Variants in TOM1L1 observed in about 807,000 individuals in gnomAD.
The protein encoded by TOM1L1 is target of myb1 like 1 membrane trafficking protein, also known as TOM1-like protein 1.
TOM1L1 carries 64 observed loss-of-function variants against 63.4 expected under a neutral mutation model. The ratio of observed to expected loss-of-function variants is 1.01; its 90% CI spans 0.83 to 1.24. The LOEUF (loss-of-function observed/expected upper bound fraction) is 1.24, where lower values mean the gene tolerates loss of function less well. Among genes scored for constraint, TOM1L1 ranks in the 50% most tolerant of loss-of-function variants. The pLI is 0.00. For synonymous variants in TOM1L1, 166 were observed against 194.4 expected, an observed-to-expected ratio of 0.85 and a Z score of 1.22; for missense variants, 536 against 567.0, an observed-to-expected ratio of 0.95 and a Z score of 0.55.
intron 8 of TOM1L1, among the ~76,000 whole-genome samples, chr17:54,934,019 G>T (rs1598036699): frequency 6.6e-6 from 1 of 152,200 alleles, no homozygotes; most frequent in Non-Finnish European, 1.5e-5. Context: ...CAATTTACGT[G>T]TGAGAAGGGG....
chr17:54,931,248 A>T (rs1157626651), intron 8 of TOM1L1, among the ~76,000 whole-genome samples: 1 of 152,122 alleles, frequency 6.6e-6, no homozygotes, highest in East Asian at 1.9e-4. Flanking sequence ...CTTTTCTAAG[A>T]TTTAAGTTTT....
Position 54,936,638 on chromosome 17 carries a change from C to A in TOM1L1, c.855-11C>A. The A allele has an allele frequency of 6.3e-7, 1 of 1,587,710 alleles. No individual in the cohort carries two copies. The highest frequency in any genetic ancestry group is 8.5e-7 in the Non-Finnish European group (1 of 1,172,524). ...TTTTTAAAAACACATGCATTTTGAT[C>A]ATTTAAACAGGTTTACTAGAAACCA... On this transcript the variant is annotated splice_polypyrimidine_tract_variant and intron_variant, in intron 8 of 15. Transcript: ENST00000575882.
At chr17:54,941,180 G>T (rs1344733879) in intron 11 of TOM1L1, among the ~76,000 whole-genome samples, 2 of 152,124 alleles carry the variant, frequency 1.3e-5, no homozygotes, top group African/African-American at 4.8e-5. Flanking sequence ...TGAACCTTTT[G>T]TTTTTCACTT....
intron 12 of TOM1L1, among the ~76,000 whole-genome samples, chr17:54,949,207 T>A (rs1420730531): frequency 4.8e-5 from 7 of 146,376 alleles, no homozygotes; most frequent in Non-Finnish European, 9.1e-5. Flanking sequence ...CCAGCTATTT[T>A]TTTTTTTTTT....
chr17:54,944,695 A>G (rs573949946), intron 11 of TOM1L1, among the ~76,000 whole-genome samples: 1 of 152,304 alleles, frequency 6.6e-6, no homozygotes, highest in South Asian at 2.1e-4. Context: ...TCATGCTTCT[A>G]TTCTTTCAGC....
intron 7 of TOM1L1, among the ~76,000 whole-genome samples, chr17:54,925,783 A>G (rs923575464): frequency 1.3e-5 from 2 of 152,132 alleles, no homozygotes; most frequent in Non-Finnish European, 2.9e-5. Flanking sequence ...ACGCTCCTAT[A>G]GTCGCAGTCA....
At position 54,961,668 on chromosome 17, in the gene TOM1L1, C is replaced by T; in HGVS notation, c.*435C>T. The T allele has an allele frequency of 9.4e-7, 1 of 1,058,558 alleles. No homozygotes were observed. Among genetic ancestry groups the T allele is most frequent in the Non-Finnish European group, 1.1e-6 (1 of 876,470 alleles). The allele number at this position is 1,058,558 out of a possible 1,614,324, so 65.6% of individuals were successfully genotyped here. A position where few individuals can be genotyped will look rare whatever the true frequency, so the allele number is the denominator to read the frequency against. ...ATTCAGGAAGAATACTGAGTGCCTT[C>T]ATTTAACTAAAGTTGAATGTAAAAG... is the stretch of plus-strand genomic sequence containing the variant. On this transcript the variant is annotated 3_prime_UTR_variant, in exon 16 of 16. Coordinates refer to ENST00000575882, the MANE Select transcript of TOM1L1 (RefSeq NM_005486.3).
intron 7 of TOM1L1, among the ~76,000 whole-genome samples, chr17:54,929,455 ATTTG>A (rs960630596): frequency 4.0e-5 from 6 of 151,842 alleles, no homozygotes; most frequent in Non-Finnish European, 7.4e-5. Flanking sequence ...GGTATTCATG[ATTTG>A]TTTGTTAATC....
intron 11 of TOM1L1, among the ~76,000 whole-genome samples, chr17:54,944,976 A>T (rs1271225464): frequency 6.6e-6 from 1 of 152,182 alleles, no homozygotes; most frequent in East Asian, 1.9e-4. Flanking sequence ...AAACCACAGA[A>T]ATTTATTATC....
chr17:54,959,978 A>G (rs1196291499), intron 14 of TOM1L1, among the ~76,000 whole-genome samples: 1 of 152,170 alleles, frequency 6.6e-6, no homozygotes, highest in Non-Finnish European at 1.5e-5. Context: ...GCAAAACATA[A>G]ACTGTCCAAA....
At chr17:54,903,330 G>T (rs1473161211) in intron 1 of TOM1L1, among the ~76,000 whole-genome samples, 5 of 152,208 alleles carry the variant, frequency 3.3e-5, no homozygotes, top group Non-Finnish European at 7.3e-5. Flanking sequence ...CTCTCACAGT[G>T]GGTTAAATGA....
At chr17:54,940,092 TG>T (rs1170597075) in intron 11 of TOM1L1, among the ~76,000 whole-genome samples, 1 of 152,154 alleles carries the variant, frequency 6.6e-6, no homozygotes, top group Non-Finnish European at 1.5e-5. Flanking sequence ...GGTGAGGTTT[TG>T]CCGTGTTGCC....
rs778309962 is a variant in TOM1L1 at position 54,950,036 on chromosome 17, TGCCCAAA to T, written c.1289-6_1289del. 6.2e-7 allele frequency: 1 copy of T among 1,612,006 alleles called. No individual in the cohort carries two copies. Among genetic ancestry groups the T allele is most frequent in the Non-Finnish European group, 8.5e-7 (1 of 1,178,970 alleles). On this transcript the variant is annotated splice_acceptor_variant and splice_polypyrimidine_tract_variant and intron_variant, in intron 13 of 15. Transcript: ENST00000575882. LOFTEE classifies it high-confidence loss of function. Reference sequence around the variant, plus strand: ...CAATATGTTTACTGGTCTCTTTTTTTGCCCAAAGCGATGACAAAAAGTGATCTCCAGC... The same window carrying T: ...CAATATGTTTACTGGTCTCTTTTTTTGCGATGACAAAAAGTGATCTCCAGC...
At chr17:54,935,623 T>C (rs572111286) in intron 8 of TOM1L1, among the ~76,000 whole-genome samples, 38 of 152,266 alleles carry the variant, frequency 2.5e-4, no homozygotes, top group Middle Eastern at 3.4e-3. Flanking sequence ...TATTCCCTCT[T>C]AGCAGCTGGG....
At chr17:54,955,303 G>T (rs538959041) in intron 14 of TOM1L1, among the ~76,000 whole-genome samples, 13 of 152,328 alleles carry the variant, frequency 8.5e-5, no homozygotes, top group African/African-American at 2.9e-4. Context: ...TCTGGATCCA[G>T]CTCAGGTGGT....
In TOM1L1 at chr17:54,961,513, C is replaced by T; in HGVS notation, c.*280C>T. 3 of 1,412,434 alleles carry T rather than the reference C, an allele frequency of 2.1e-6. No individual in the cohort carries two copies. Among genetic ancestry groups the T allele is most frequent in the Non-Finnish European group, 2.8e-6 (3 of 1,087,306 alleles). 87.5% of individuals were successfully genotyped at this position (1,412,434 alleles called of 1,614,324 possible). A position where few individuals can be genotyped will look rare whatever the true frequency, so the allele number is the denominator to read the frequency against. Reference sequence around the variant, plus strand: ...TTAGTCCTTAGGCCAACCAATTTAACTGCAGTGTCATGTTTCACAGGCCTT... The same window carrying T: ...TTAGTCCTTAGGCCAACCAATTTAATTGCAGTGTCATGTTTCACAGGCCTT... On this transcript the variant is annotated 3_prime_UTR_variant, in exon 16 of 16. Transcript: ENST00000575882.
In TOM1L1 at chr17:54,961,384, A is replaced by G. The variant is rs17817901; in HGVS notation, c.*151A>G. Reference sequence around the variant, plus strand: ...TCTGCTATAATGAAGATTAAATAGAATAACAGTTCCAGGATAACACTGATT... The same window carrying G: ...TCTGCTATAATGAAGATTAAATAGAGTAACAGTTCCAGGATAACACTGATT... On this transcript the variant is annotated 3_prime_UTR_variant, in exon 16 of 16. Transcript: ENST00000575882. 398,090 of 1,548,382 alleles carry G rather than the reference A, an allele frequency of 0.26. 54,206 individuals are homozygous for G. Among genetic ancestry groups the G allele is most frequent in the Non-Finnish European group, 0.28 (322,241 of 1,145,574 alleles).
chr17:54,946,577 A>C (rs62073563), intron 11 of TOM1L1, among the ~76,000 whole-genome samples: 56 of 152,188 alleles, frequency 3.7e-4, no homozygotes, highest in Non-Finnish European at 7.1e-4. Flanking sequence ...GTGAGAAAAC[A>C]GAGAGAAGAG....
intron 1 of TOM1L1, 39 bp downstream of exon 1, chr17:54,900,962 G>T: frequency 6.2e-7 from 1 of 1,612,844 alleles, no homozygotes; most frequent in Non-Finnish European, 8.5e-7. Flanking sequence ...GCAGGCAGGG[G>T]ACCGTGGGAT....
Sources: allele counts gnomAD v4.1 joint callset (sites outside exome capture counted in the v4.1 genomes callset), GRCh38; gene constraint gnomAD v4.1.1; transcripts MANE v1.5; gene names NCBI Gene and HGNC (gene_info 2026-07-23, HGNC 2026-07-21).